Variants in MGAT5 observed in about 807,000 individuals in gnomAD.
MGAT5 encodes alpha-1,6-mannosylglycoprotein 6-beta-N-acetylglucosaminyltransferase A.
In MGAT5, 30 loss-of-function variants were observed where a neutral mutation model predicts 94.3. That is an observed-to-expected ratio of 0.32 (90% CI 0.24 to 0.43). MGAT5 has a LOEUF of 0.43. Among genes scored for constraint, MGAT5 ranks in the 20% least tolerant of loss-of-function variants. The pLI is 1.00. For missense variants in MGAT5, 691 were observed against 905.5 expected, an observed-to-expected ratio of 0.76 and a Z score of 3.04; for synonymous variants, 310 against 322.9, an observed-to-expected ratio of 0.96 and a Z score of 0.43.
intron 10 of MGAT5, among the ~76,000 whole-genome samples, chr2:134,364,994 C>T (rs1558827406): frequency 6.6e-6 from 1 of 152,166 alleles, no homozygotes; most frequent in Non-Finnish European, 1.5e-5. Flanking sequence ...TTTTATCAGT[C>T]GTCTTCCCTA....
intron 9 of MGAT5, among the ~76,000 whole-genome samples, chr2:134,356,332 C>T (rs1679740501): frequency 6.6e-6 from 1 of 152,072 alleles, no homozygotes; most frequent in African/African-American, 2.4e-5. Flanking sequence ...TTACCCCCTC[C>T]TCCTCTTTCC....
In MGAT5 at chr2:134,355,720, C is replaced by T. The variant is rs187560711; in HGVS notation, c.1246+5782C>T. On this transcript the variant is annotated intron_variant, in intron 9 of 15. Coordinates refer to ENST00000281923, the MANE Select transcript of MGAT5 (RefSeq NM_002410.5). ...TTGATGACTTGCACTGTAAATTTTC[C>T]GGTATTTGGATAGCTCTAATTATCT... Among the ~76,000 whole-genome samples the T allele has an allele frequency of 2.7e-4, 41 of 152,224 alleles. No homozygotes were observed. The East Asian group carries it at 6.4e-3, about 24-fold the overall frequency.
chr2:134,264,597 C>T (rs1683574702), intron 1 of MGAT5, among the ~76,000 whole-genome samples: 1 of 152,032 alleles, frequency 6.6e-6, no homozygotes, highest in Non-Finnish European at 1.5e-5. Flanking sequence ...TTTGAATGTC[C>T]TTGTACATAA....
At chr2:134,358,978 A>C (rs1405256869) in intron 9 of MGAT5, among the ~76,000 whole-genome samples, 2 of 152,240 alleles carry the variant, frequency 1.3e-5, no homozygotes, top group African/African-American at 4.8e-5. Context: ...CTCAGGGACC[A>C]CATCAAGCTG....
In MGAT5 at chr2:134,428,452, A is replaced by G; in HGVS notation, c.1869+13A>G. 6.2e-7 allele frequency: 1 copy of G among 1,611,908 alleles called. No individual in the cohort carries two copies. On this transcript the variant is annotated intron_variant, in intron 14 of 15. Transcript: ENST00000281923. ...CATTGAAAAACAGGTAAGGCTTATC[A>G]GAAGTCAGTCTGTCTTTGCTGTGTA... is the stretch of plus-strand genomic sequence containing the variant.
intron 2 of MGAT5, among the ~76,000 whole-genome samples, chr2:134,294,776 G>C (rs1685568710): frequency 6.6e-6 from 1 of 152,174 alleles, no homozygotes; most frequent in Non-Finnish European, 1.5e-5. Flanking sequence ...CAAGCATTAG[G>C]TCATAGTCTG....
At chr2:134,323,342 C>T (rs570424338) in intron 4 of MGAT5, among the ~76,000 whole-genome samples, 18 of 152,256 alleles carry the variant, frequency 1.2e-4, no homozygotes, top group African/African-American at 4.1e-4. Flanking sequence ...ATTGATGCTC[C>T]ACTGTACCAG....
In MGAT5 at chr2:134,268,930, A is replaced by G. The variant is rs78537973; in HGVS notation, c.242-1456A>G. The stretch of plus-strand genomic sequence containing the variant: ...CACCCTTGGTTTCTTTTTTCTACCC[A>G]GGTTCTTGACTTCTGATTGGTCCCA... On this transcript the variant is annotated intron_variant, in intron 1 of 15. Coordinates refer to ENST00000281923, the MANE Select transcript of MGAT5 (RefSeq NM_002410.5). This position sits in a 1 kb window ranked among gnomAD's most constrained non-coding sequence, Gnocchi z 4.1. 1.8e-3 allele frequency among the ~76,000 whole-genome samples: 273 copies of G among 152,234 alleles called. 4 individuals carry two copies. Among genetic ancestry groups the G allele is most frequent in the African/African-American group, 5.9e-3 (247 of 41,536 alleles).
intron 2 of MGAT5, among the ~76,000 whole-genome samples, chr2:134,297,044 A>G (rs1321814251): frequency 1.3e-5 from 2 of 151,960 alleles, no homozygotes; most frequent in Non-Finnish European, 2.9e-5. Context: ...TACAAAAAAT[A>G]AAATTAGCTG....
At chr2:134,444,414 G>T (rs181462901) in intron 15 of MGAT5, among the ~76,000 whole-genome samples, 9 of 152,234 alleles carry the variant, frequency 5.9e-5, no homozygotes, top group African/African-American at 1.9e-4. Flanking sequence ...CAGGAGGCTA[G>T]AATGAATGCT....
intron 1 of MGAT5, among the ~76,000 whole-genome samples, chr2:134,173,358 G>T (rs997945412): frequency 6.6e-6 from 1 of 152,210 alleles, no homozygotes; most frequent in African/African-American, 2.4e-5. Context: ...TGGGGCAGCT[G>T]GGGATAGTAG....
rs1405771691 is a variant in MGAT5, at chr2:134,371,202, C to T, written c.1380+8794C>T. ...TTTCCGTTGAGCCATTTATTGGGTACGTGTCCTCTGAAGTCATTTGCCCTC... is the reference window on the plus strand; with the variant it reads ...TTTCCGTTGAGCCATTTATTGGGTATGTGTCCTCTGAAGTCATTTGCCCTC... On this transcript the variant is annotated intron_variant, in intron 10 of 15. Coordinates refer to ENST00000281923, the MANE Select transcript of MGAT5 (RefSeq NM_002410.5). 2.6e-5 allele frequency among the ~76,000 whole-genome samples: 4 copies of T among 152,134 alleles called. No homozygotes were observed. In the East Asian group the frequency reaches 5.8e-4, roughly 22 times the overall value.
chr2:134,416,459 G>C (rs2106341077), intron 12 of MGAT5, among the ~76,000 whole-genome samples: 1 of 138,476 alleles, frequency 7.2e-6, no homozygotes, highest in South Asian at 2.4e-4. Flanking sequence ...GCCTGTTTCA[G>C]AATCTCATTC....
Position 134,449,154 on chromosome 2 carries a change from CAA to C in MGAT5, c.*308_*309del, listed in dbSNP as rs1029112721. On this transcript the variant is annotated 3_prime_UTR_variant, in exon 16 of 16. Coordinates refer to ENST00000281923, the MANE Select transcript of MGAT5 (RefSeq NM_002410.5). ...GCTGCTCCAGGGCAAAAGAAAGTCTCAAGAGTCCTTTAAAACAAAACAGGAGG... is the reference window on the plus strand; with the variant it reads ...GCTGCTCCAGGGCAAAAGAAAGTCTCGAGTCCTTTAAAACAAAACAGGAGG... 2.9e-6 allele frequency: 1 copy of C among 348,092 alleles called. No individual in the cohort carries two copies. Among genetic ancestry groups the C allele is most frequent in the African/African-American group, 2.2e-5 (1 of 44,626 alleles). The allele number at this position is 348,092 out of a possible 1,614,324, so 21.6% of individuals were successfully genotyped here.
chr2:134,296,672 T>C (rs1685693220), intron 2 of MGAT5, among the ~76,000 whole-genome samples: 2 of 152,310 alleles, frequency 1.3e-5, no homozygotes, highest in South Asian at 4.1e-4. Flanking sequence ...TCTATTCCAC[T>C]TAACCTCTCT....
chr2:134,393,469 C>T (rs1438249630), intron 10 of MGAT5, among the ~76,000 whole-genome samples: 1 of 152,016 alleles, frequency 6.6e-6, no homozygotes, highest in Non-Finnish European at 1.5e-5. Flanking sequence ...TGCTGTTTAC[C>T]CTGCGTATAA....
intron 12 of MGAT5, among the ~76,000 whole-genome samples, chr2:134,415,545 A>G (rs1683915622): frequency 6.6e-6 from 1 of 152,184 alleles, no homozygotes. Context: ...TGTGGTTTGC[A>G]AATATTTTCT....
chr2:134,447,429 T>C (rs1013334317), intron 15 of MGAT5, among the ~76,000 whole-genome samples: 1 of 152,240 alleles, frequency 6.6e-6, no homozygotes, highest in African/African-American at 2.4e-5. Context: ...TGTCACATGC[T>C]GTAGAAGCAC....
At chr2:134,224,811 G>T (rs1233788884) in intron 1 of MGAT5, among the ~76,000 whole-genome samples, 1 of 152,132 alleles carries the variant, frequency 6.6e-6, no homozygotes, top group African/African-American at 2.4e-5. Flanking sequence ...AGGCATGGAG[G>T]CTCATACCTG....
Sources: allele counts gnomAD v4.1 joint callset (sites outside exome capture counted in the v4.1 genomes callset), GRCh38; gene constraint gnomAD v4.1.1; non-coding constraint Gnocchi (gnomAD v3.1); transcripts MANE v1.5; gene names NCBI Gene and HGNC (gene_info 2026-07-23, HGNC 2026-07-21).